EXT1: variants seen among roughly 807,000 people sequenced by gnomAD.
The protein encoded by EXT1 is exostosin-1.
In EXT1, 20 loss-of-function variants were observed where a neutral mutation model predicts 82.5. The ratio of observed to expected loss-of-function variants is 0.24; its 90% CI spans 0.17 to 0.35. EXT1 has a LOEUF of 0.35. EXT1 is among the 10% of genes least tolerant of loss of function. The probability of loss-of-function intolerance (pLI) is 1.00; values close to 1 mark genes in which losing one functional copy is unlikely to be tolerated. For missense variants in EXT1, 757 were observed against 936.5 expected, an observed-to-expected ratio of 0.81 and a Z score of 2.50; for synonymous variants, 348 against 350.8, an observed-to-expected ratio of 0.99 and a Z score of 0.09.
chr8:117,916,307 T>C (rs543183194), intron 1 of EXT1, among the ~76,000 whole-genome samples: 14 of 152,250 alleles, frequency 9.2e-5, no homozygotes, highest in African/African-American at 3.4e-4. Context: ...TGTGTTAAAA[T>C]CTAGAGTGCA....
At chr8:118,003,213 G>A (rs148044081) in intron 1 of EXT1, among the ~76,000 whole-genome samples, 1 of 152,022 alleles carries the variant, frequency 6.6e-6, no homozygotes, top group Non-Finnish European at 1.5e-5. Flanking sequence ...AGGTTGCAAC[G>A]GCATAAGAAT....
intron 1 of EXT1, among the ~76,000 whole-genome samples, chr8:118,052,535 C>T (rs540182165): frequency 6.6e-6 from 1 of 152,246 alleles, no homozygotes; most frequent in Non-Finnish European, 1.5e-5. Flanking sequence ...GACAACTGGG[C>T]TAATGTGGGC....
intron 1 of EXT1, among the ~76,000 whole-genome samples, chr8:118,097,288 A>C (rs1017013810): frequency 6.6e-6 from 1 of 151,988 alleles, no homozygotes; most frequent in Non-Finnish European, 1.5e-5. Context: ...TTTACTAAAA[A>C]TACAAAAAAT....
intron 1 of EXT1, among the ~76,000 whole-genome samples, chr8:118,076,319 C>T (rs1817207640): frequency 1.3e-5 from 2 of 152,200 alleles, no homozygotes; most frequent in Admixed American, 6.5e-5. Context: ...TTTAGAACAT[C>T]CACTGTAATC....
intron 1 of EXT1, among the ~76,000 whole-genome samples, chr8:118,059,440 G>T (rs1180359043): frequency 2.0e-5 from 3 of 152,180 alleles, no homozygotes; most frequent in Non-Finnish European, 4.4e-5. Context: ...AACGGCAGGT[G>T]CCCAATGGGG....
chr8:118,077,898 A>G (rs1817240027), intron 1 of EXT1, among the ~76,000 whole-genome samples: 1 of 152,210 alleles, frequency 6.6e-6, no homozygotes, highest in Non-Finnish European at 1.5e-5. Context: ...TTTTAAAAAA[A>G]GAACATTTAT....
rs1817867086 is a variant in EXT1, at chr8:118,110,092, A to T, written c.955T>A (p.Tyr319Asn). 6.2e-7 allele frequency: 1 copy of T among 1,613,832 alleles called. No individual in the cohort carries two copies. Among genetic ancestry groups the T allele is most frequent in the East Asian group, 2.2e-5 (1 of 44,854 alleles). ...GCCAGCCCAGACACTTACTTCTCAT[A>T]CTCGGTGTTGTCTCTGTCACAGCGA... ...DSRCDRDNTE[Y>N]EKYDYREMLH... The change falls in exon 1 of 11, where the codon TAT becomes AAT. Residue 319 changes from tyrosine (Y) to asparagine (N), a missense_variant. By Grantham distance (143) the Tyr-to-Asn change is moderately radical. Transcript: ENST00000378204.
intron 1 of EXT1, among the ~76,000 whole-genome samples, chr8:117,844,759 C>T (rs1812326085): frequency 6.6e-6 from 1 of 152,142 alleles, no homozygotes; most frequent in Non-Finnish European, 1.5e-5. Flanking sequence ...ATGAGCTATG[C>T]AAATGTGCAG....
rs545727196 is a variant in EXT1 at position 118,002,594 on chromosome 8, C to T, written c.962+107491G>A. 1.4e-4 allele frequency among the ~76,000 whole-genome samples: 19 copies of T among 134,512 alleles called. No individual in the cohort carries two copies. The South Asian group carries it at 2.3e-3, about 16-fold the overall frequency. 88.2% of individuals were successfully genotyped at this position (134,512 alleles called of 152,430 possible). ...TCACCCAGGTTGGAGCGCAGTGGTG[C>T]GATCTCAGCTCACTGCAAGCTCCAC... On this transcript the variant is annotated intron_variant, in intron 1 of 10. Coordinates refer to ENST00000378204, the MANE Select transcript of EXT1 (RefSeq NM_000127.3).
At chr8:117,969,375 A>G (rs777031161) in intron 1 of EXT1, among the ~76,000 whole-genome samples, 1 of 152,192 alleles carries the variant, frequency 6.6e-6, no homozygotes, top group Non-Finnish European at 1.5e-5. Context: ...ATAGTATTGT[A>G]TAGCAAATGG....
At chr8:117,808,518 T>G (rs1214839901) in intron 8 of EXT1, among the ~76,000 whole-genome samples, 4 of 152,230 alleles carry the variant, frequency 2.6e-5, no homozygotes, top group African/African-American at 9.6e-5. Context: ...GTTACTCCAG[T>G]GTTAAAAGCA....
intron 1 of EXT1, among the ~76,000 whole-genome samples, chr8:117,902,542 C>A (rs950896239): frequency 6.6e-6 from 1 of 151,830 alleles, no homozygotes; most frequent in East Asian, 1.9e-4. Context: ...ATAAGCCCAG[C>A]ATCTTCTATG....
intron 1 of EXT1, among the ~76,000 whole-genome samples, chr8:118,086,036 T>G (rs564827310): frequency 6.6e-6 from 1 of 152,288 alleles, no homozygotes; most frequent in African/African-American, 2.4e-5. Context: ...GAGGCCTCAT[T>G]TTTTTAGTAA....
chr8:117,902,313 T>C (rs919431279), intron 1 of EXT1, among the ~76,000 whole-genome samples: 7 of 152,170 alleles, frequency 4.6e-5, no homozygotes, highest in African/African-American at 1.4e-4. Flanking sequence ...AACTATAGTA[T>C]AGTAAATACG....
chr8:117,892,177 G>A (rs1051384821), intron 1 of EXT1, among the ~76,000 whole-genome samples: 4 of 152,186 alleles, frequency 2.6e-5, no homozygotes, highest in Non-Finnish European at 4.4e-5. Context: ...AGTGGTTTCT[G>A]TTTCCAGTTT....
intron 1 of EXT1, among the ~76,000 whole-genome samples, chr8:117,857,003 G>T (rs1400158872): frequency 6.6e-6 from 1 of 152,144 alleles, no homozygotes; most frequent in Non-Finnish European, 1.5e-5. Context: ...TAGCTTTAAA[G>T]CTAAATCTAC....
chr8:117,867,377 A>C (rs898226830), intron 1 of EXT1, among the ~76,000 whole-genome samples: 3 of 152,144 alleles, frequency 2.0e-5, no homozygotes, highest in African/African-American at 7.2e-5. Context: ...GAGAGATGAA[A>C]GAATGGGGTG....
At chr8:117,807,124 C>T (rs1041249821) in intron 9 of EXT1, 93 bp downstream of exon 9, 1 of 1,491,356 alleles carries the variant, frequency 6.7e-7, no homozygotes, top group African/African-American at 1.4e-5. Context: ...TTCCTCAATG[C>T]TGTTAACAAG....
At chr8:118,082,793 A>G (rs1817354945) in intron 1 of EXT1, among the ~76,000 whole-genome samples, 1 of 152,184 alleles carries the variant, frequency 6.6e-6, no homozygotes. Flanking sequence ...CGTCTTTCCT[A>G]CCCACATGCC....
Sources: gnomAD v4.1 joint callset for allele counts (sites outside exome capture counted in the v4.1 genomes callset) on GRCh38, gnomAD v4.1.1 for gene constraint, MANE v1.5 for transcripts, NCBI Gene and HGNC (gene_info 2026-07-23, HGNC 2026-07-21) for gene names.